The following CLCC1 variants were observed in gnomAD, a reference collection of about 807,000 sequenced individuals.
CLCC1 encodes the protein chloride channel CLIC-like protein 1.
CLCC1 carries 39 observed loss-of-function variants against 63.3 expected under a neutral mutation model. The ratio of observed to expected loss-of-function variants is 0.62; its 90% confidence interval spans 0.48 to 0.81. CLCC1 has a LOEUF of 0.81. CLCC1 is among the 30% of genes least tolerant of loss of function. CLCC1 has a pLI of 0.00. For synonymous variants in CLCC1, 217 were observed against 239.8 expected, an observed-to-expected ratio of 0.90 and a Z score of 0.88; for missense variants, 549 against 669.4, an observed-to-expected ratio of 0.82 and a Z score of 1.98.
Position 108,939,654 on chromosome 1 carries a change from A to C in CLCC1, c.1023T>G (p.Ile341Met). 1 of 1,614,086 alleles carries C rather than the reference A, an allele frequency of 6.2e-7. No individual in the cohort carries two copies. Among genetic ancestry groups the C allele is most frequent in the Non-Finnish European group, 8.5e-7 (1 of 1,180,002 alleles). ...TACTAACCAGGATGGCTAATGCCAT[A>C]ATTATCAGCACTGGAAGATGAAGCA... ...PALLHLPVLI[I>M]MALAILSFCY... The change falls in exon 10 of 13, where the codon ATT (isoleucine) becomes ATG (methionine). Residue 341 changes from isoleucine to methionine, a missense_variant. Ile to Met is a conservative substitution (Grantham distance 10). Transcript: ENST00000369969.
At chr1:108,943,767 T>C (rs1654160456) in intron 6 of CLCC1, 69 bp downstream of exon 6, 1 of 1,446,728 alleles carries the variant, frequency 6.9e-7, no homozygotes, top group South Asian at 1.2e-5. Flanking sequence ...AACGTAATTA[T>C]GGTGGAGTTT....
chr1:108,951,814 G>A lies in CLCC1; in HGVS notation c.-11-1366C>T, dbSNP rs560087594. ...CAGGGTCTCTCCCTCTGTTGCCCAG[G>A]CTGGAGTGCAGTGGCACAATACCAG... is the stretch of plus-strand genomic sequence containing the variant. On this transcript the variant is annotated intron_variant, in intron 2 of 12. Coordinates refer to ENST00000369969, the MANE Select transcript of CLCC1 (RefSeq NM_001377458.1). Among the ~76,000 whole-genome samples, 5 of 149,972 alleles carry A rather than the reference G, an allele frequency of 3.3e-5. No homozygotes were observed. In the East Asian group the frequency reaches 7.8e-4, roughly 23 times the overall value.
intron 2 of CLCC1, among the ~76,000 whole-genome samples, chr1:108,951,766 CTTTTT>C (rs34333498): frequency 3.8e-5 from 5 of 132,296 alleles, no homozygotes; most frequent in Admixed American, 1.6e-4. Flanking sequence ...GAATTGTATA[CTTTTT>C]TTTTTTTTTT....
At position 108,960,006 on chromosome 1, in the gene CLCC1, G is replaced by A. The variant is rs1199820512; in HGVS notation, c.-12+2303C>T. Among the ~76,000 whole-genome samples, 4 of 151,992 alleles carry A rather than the reference G, an allele frequency of 2.6e-5. No homozygotes were observed. In the South Asian group the frequency reaches 8.3e-4, roughly 32 times the overall value. On this transcript the variant is annotated intron_variant, in intron 2 of 12. Transcript: ENST00000369969. ...AATTTAGCTGGGTGTGGTGGCATAC[G>A]TCTATATTTCCAGCTACTTGGAGAG... is the stretch of plus-strand genomic sequence containing the variant.
intron 9 of CLCC1, 70 bp downstream of exon 9, chr1:108,939,975 A>G: frequency 7.4e-7 from 1 of 1,357,058 alleles, no homozygotes; most frequent in Non-Finnish European, 1.0e-6. Context: ...TGACTCAAAC[A>G]CTAAAGTTCT....
At chr1:108,963,210 A>G (rs553109465) in intron 1 of CLCC1, 151 bp downstream of exon 1, 2 of 459,242 alleles carry the variant, frequency 4.4e-6, no homozygotes, top group Non-Finnish European at 7.7e-6. Context: ...CACAGGCCGC[A>G]GCGGACGCAC....
rs1202535677 is a variant in CLCC1, at chr1:108,931,581, GTTTTT to G, written c.*961_*965del. On this transcript the variant is annotated 3_prime_UTR_variant, in exon 13 of 13. Transcript: ENST00000369969. ...TAGAACTATTTCTCTAATGGCCAATGTTTTTTAAGAGTCATAACCTGGAATTAATT... is the reference window on the plus strand; with the variant it reads ...TAGAACTATTTCTCTAATGGCCAATGTAAGAGTCATAACCTGGAATTAATT... 1 of 1,311,688 alleles carries G rather than the reference GTTTTT, an allele frequency of 7.6e-7. No individual in the cohort carries two copies. The allele number at this position is 1,311,688 out of a possible 1,614,324, so 81.3% of individuals were successfully genotyped here.
At chr1:108,959,804 G>A (rs1194630568) in intron 2 of CLCC1, among the ~76,000 whole-genome samples, 1 of 152,132 alleles carries the variant, frequency 6.6e-6, no homozygotes, top group Non-Finnish European at 1.5e-5. Flanking sequence ...CCTCCTGCCT[G>A]AACAACCAAA....
At position 108,931,616 on chromosome 1, in the gene CLCC1, T is replaced by TAA; in HGVS notation, c.*929_*930dup. 1 of 1,218,426 alleles carries TAA rather than the reference T, an allele frequency of 8.2e-7. No homozygotes were observed. The allele number at this position is 1,218,426 out of a possible 1,614,324, so 75.5% of individuals were successfully genotyped here. ...AGTCATAACCTGGAATTAATTACAT[T>TAA]AAGTGCTCAGCTAAAAAAAAAAAAA... is the stretch of plus-strand genomic sequence containing the variant. On this transcript the variant is annotated 3_prime_UTR_variant, in exon 13 of 13. Transcript: ENST00000369969.
chr1:108,931,647 C>G lies in CLCC1; in HGVS notation c.*900G>C, dbSNP rs1009561960. The G allele has an allele frequency of 2.4e-6, 2 of 830,104 alleles. No homozygotes were observed. The highest frequency in any genetic ancestry group is 3.4e-5 in the Admixed American group (1 of 29,110). 51.4% of individuals were successfully genotyped at this position (830,104 alleles called of 1,614,324 possible). On this transcript the variant is annotated 3_prime_UTR_variant, in exon 13 of 13. Coordinates refer to ENST00000369969, the MANE Select transcript of CLCC1 (RefSeq NM_001377458.1). ...CTCAGCTAAAAAAAAAAAAAAAGTT[C>G]TAAATTACAACCTGGATTACATTAT...
chr1:108,930,414 T>A lies in CLCC1; in HGVS notation c.*2133A>T, dbSNP rs1017420538. On this transcript the variant is annotated 3_prime_UTR_variant, in exon 13 of 13. Coordinates refer to ENST00000369969, the MANE Select transcript of CLCC1 (RefSeq NM_001377458.1). Reference sequence around the variant, plus strand: ...GTCTTACTAAAAATCTAGGTTTTTTTTTCCTCCATGAAAATCTGTTTTTTT... The same window carrying A: ...GTCTTACTAAAAATCTAGGTTTTTTATTCCTCCATGAAAATCTGTTTTTTT... The A allele has an allele frequency of 6.5e-6, 1 of 153,624 alleles. No homozygotes were observed. Among genetic ancestry groups the A allele is most frequent in the Non-Finnish European group, 1.4e-5 (1 of 69,028 alleles). The allele number at this position is 153,624 out of a possible 1,614,324, so 9.5% of individuals were successfully genotyped here.
rs575595470 is a variant in CLCC1, at chr1:108,949,874, T to C, written c.177A>G (p.Ser59=). ...AACATTCTGATATTTCATCAGCACA[T>C]GACAAGTCAGGACTGACATCCTTTT... ...SGEKDVSPDL[S]CADEISECYH... The change falls in exon 4 of 13, where the codon TCA becomes TCG. Residue 59 remains serine, a synonymous_variant. Coordinates refer to ENST00000369969, the MANE Select transcript of CLCC1 (RefSeq NM_001377458.1). 6.2e-7 allele frequency: 1 copy of C among 1,602,654 alleles called. No individual in the cohort carries two copies. The highest frequency in any genetic ancestry group is 1.7e-5 in the Admixed American group (1 of 58,024).
At position 108,949,858 on chromosome 1, in the gene CLCC1, A is replaced by G. The variant is rs1331795597; in HGVS notation, c.193T>C (p.Ser65Pro). 4.4e-6 allele frequency: 7 copies of G among 1,595,534 alleles called. No individual in the cohort carries two copies. Among genetic ancestry groups the G allele is most frequent in the Non-Finnish European group, 5.1e-6 (6 of 1,173,186 alleles). ...GAATCAAGTTTGTGATAACATTCTG[A>G]TATTTCATCAGCACATGACAAGTCA... ...SPDLSCADEI[S>P]ECYHKLDSLT... is the part of the protein sequence containing the mutation. The change falls in exon 4 of 13, where the codon TCA (serine) becomes CCA (proline). Residue 65 changes from serine (S) to proline (P), a missense_variant. Transcript: ENST00000369969.
At chr1:108,938,784 C>G (rs141242374) in intron 10 of CLCC1, among the ~76,000 whole-genome samples, 1 of 152,312 alleles carries the variant, frequency 6.6e-6, no homozygotes, top group East Asian at 1.9e-4. Context: ...AGAAGTCCCC[C>G]TTTCTGGGAG....
intron 7 of CLCC1, among the ~76,000 whole-genome samples, chr1:108,941,865 G>T (rs181147622): frequency 6.6e-6 from 1 of 151,948 alleles, no homozygotes; most frequent in Non-Finnish European, 1.5e-5. Flanking sequence ...TGTTGGCCAG[G>T]CTGGTCTTGA....
chr1:108,939,190 T>TATAA (rs1359690590), intron 10 of CLCC1, among the ~76,000 whole-genome samples: 14 of 146,138 alleles, frequency 9.6e-5, no homozygotes, highest in South Asian at 8.4e-4. Flanking sequence ...TGCATATATA[T>TATAA]ATATAAATAT....
chr1:108,929,944 C>T lies in CLCC1; in HGVS notation c.*2603G>A. The T allele has an allele frequency of 6.2e-7, 1 of 1,611,436 alleles. No individual in the cohort carries two copies. The highest frequency in any genetic ancestry group is 1.3e-5 in the African/African-American group (1 of 74,882). ...GAAAAAATCGGCAGACCATTAGTTA[C>T]TATGGATTTATTTTTTTTCCTTTCA... On this transcript the variant is annotated 3_prime_UTR_variant, in exon 13 of 13. Transcript: ENST00000369969.
chr1:108,952,833 T>G (rs1243549932), intron 2 of CLCC1, among the ~76,000 whole-genome samples: 3 of 151,750 alleles, frequency 2.0e-5, no homozygotes, highest in African/African-American at 4.8e-5. Context: ...AGGTGGGAAT[T>G]TACGATTCAA....
In CLCC1 at chr1:108,931,180, C is replaced by A; in HGVS notation, c.*1367G>T. On this transcript the variant is annotated 3_prime_UTR_variant, in exon 13 of 13. Coordinates refer to ENST00000369969, the MANE Select transcript of CLCC1 (RefSeq NM_001377458.1). ...CTAATATAAAAACAAAAAACAAAAC[C>A]CATGTGGTTAGGTCAAGAACCTAGG... 2 of 865,522 alleles carry A rather than the reference C, an allele frequency of 2.3e-6. No individual in the cohort carries two copies. Among genetic ancestry groups the A allele is most frequent in the Non-Finnish European group, 3.3e-6 (2 of 607,464 alleles). The allele number at this position is 865,522 out of a possible 1,614,324, so 53.6% of individuals were successfully genotyped here.
Sources: gnomAD v4.1 joint callset for allele counts (sites outside exome capture counted in the v4.1 genomes callset) on GRCh38, gnomAD v4.1.1 for gene constraint, MANE v1.5 for transcripts, NCBI Gene and HGNC (gene_info 2026-07-23, HGNC 2026-07-21) for gene names.